Variants in CARF observed in about 807,000 individuals in gnomAD.
The protein encoded by CARF is calcium-responsive transcription factor.
Under a neutral mutation model 82.0 loss-of-function variants are expected in CARF, and 57 were observed. The observed-to-expected ratio is 0.70, with a 90% CI of 0.56 to 0.87. The LOEUF is 0.87. CARF is among the 40% of genes least tolerant of loss of function. CARF has a pLI of 0.00. For missense variants in CARF, 771 were observed against 855.8 expected (o/e 0.90, Z 1.24); for synonymous variants, 268 against 290.1 (o/e 0.92, Z 0.77).
intron 2 of CARF, among the ~76,000 whole-genome samples, chr2:202,923,932 A>C (rs1691322125): frequency 6.6e-6 from 1 of 152,216 alleles, no homozygotes; most frequent in South Asian, 2.1e-4. Flanking sequence ...CATGTAGGAG[A>C]ATGAAACTGG....
In CARF at chr2:202,982,175, T is replaced by C. The variant is rs369165369; in HGVS notation, c.1793T>C (p.Ile598Thr). The C allele has an allele frequency of 3.7e-5, 60 of 1,614,172 alleles. No homozygotes were observed. In the African/African-American group the frequency reaches 7.1e-4, roughly 19 times the overall value. ...AGTCCTTCAGGACTTCTGGATACAA[T>C]AGGAAGTGCTGTAATGAATAATAAT... Reference protein sequence around the residue: ...SSSPSGLLDTIGSAVMNNNSL... With the variant: ...SSSPSGLLDTTGSAVMNNNSL... The change falls in exon 16 of 17, where the codon ATA (isoleucine) becomes ACA (threonine). Residue 598 changes from isoleucine to threonine, a missense_variant. Transcript: ENST00000438828.
At chr2:202,919,410 G>C (rs1218306371) in intron 2 of CARF, among the ~76,000 whole-genome samples, 1 of 152,194 alleles carries the variant, frequency 6.6e-6, no homozygotes, top group Non-Finnish European at 1.5e-5. Flanking sequence ...CAGAGTACCT[G>C]TCAGGAAACT....
At chr2:202,973,956 C>T (rs1358201516) in intron 12 of CARF, among the ~76,000 whole-genome samples, 1 of 151,986 alleles carries the variant, frequency 6.6e-6, no homozygotes, top group African/African-American at 2.4e-5. Context: ...GGCGTGGTGG[C>T]ACACTCCTGT....
chr2:202,960,831 A>G (rs2059288296), intron 8 of CARF, among the ~76,000 whole-genome samples: 1 of 142,612 alleles, frequency 7.0e-6, no homozygotes, highest in African/African-American at 2.6e-5. Flanking sequence ...TTCCAACCTC[A>G]CTCCACCAAA....
rs1481787161 is a variant in CARF, at chr2:202,912,830, T to C, written c.-602T>C. ...TGCTTTTTAGGGTTCTTTTTCCGCT[T>C]TCTGAGCCCTTTTATACCTTACGTT... On this transcript the variant is annotated 5_prime_UTR_variant, in exon 1 of 17. Transcript: ENST00000438828. The C allele has an allele frequency of 2.0e-5, 3 of 152,026 alleles. No homozygotes were observed. Among genetic ancestry groups the C allele is most frequent in the African/African-American group, 7.2e-5 (3 of 41,402 alleles). 9.4% of individuals were successfully genotyped at this position (152,026 alleles called of 1,614,324 possible). A position where few individuals can be genotyped will look rare whatever the true frequency, so the allele number is the denominator to read the frequency against.
chr2:202,913,956 A>T (rs573628399), intron 1 of CARF, among the ~76,000 whole-genome samples: 3 of 152,312 alleles, frequency 2.0e-5, no homozygotes, highest in African/African-American at 7.2e-5. Context: ...ACTAAAATAC[A>T]CTTTTCATTT....
rs920139891 is a variant in CARF at position 202,952,782 on chromosome 2, G to A, written c.427+103G>A. Reference sequence around the variant, plus strand: ...TCAGTGCTAAAGTTGATTTCTTTAGGTAAAAGATTATGAATTAAATAATTA... The same window carrying A: ...TCAGTGCTAAAGTTGATTTCTTTAGATAAAAGATTATGAATTAAATAATTA... On this transcript the variant is annotated intron_variant, in intron 6 of 16. Transcript: ENST00000438828. 6 of 1,160,362 alleles carry A rather than the reference G, an allele frequency of 5.2e-6. No individual in the cohort carries two copies. The Admixed American group carries it at 1.3e-4, about 25-fold the overall frequency. 71.9% of individuals were successfully genotyped at this position (1,160,362 alleles called of 1,614,324 possible). A position where few individuals can be genotyped will look rare whatever the true frequency, so the allele number is the denominator to read the frequency against.
chr2:202,970,861 T>G (rs1050173217), intron 11 of CARF, among the ~76,000 whole-genome samples: 15 of 147,268 alleles, frequency 1.0e-4, no homozygotes, highest in Admixed American at 2.7e-4. Flanking sequence ...CTACTTTTCT[T>G]TTTTTTTTTT....
intron 5 of CARF, among the ~76,000 whole-genome samples, chr2:202,946,167 C>A (rs1344729827): frequency 6.6e-6 from 1 of 151,764 alleles, no homozygotes; most frequent in Non-Finnish European, 1.5e-5. Context: ...TCATATGGAA[C>A]CAAAAAAGAG....
intron 10 of CARF, among the ~76,000 whole-genome samples, chr2:202,969,427 T>C (rs1283565452): frequency 2.0e-5 from 3 of 151,640 alleles, no homozygotes; most frequent in South Asian, 2.1e-4. Flanking sequence ...AATACAAAAT[T>C]AGCCGGGAGT....
rs1022463761 is a variant in CARF at position 202,981,709 on chromosome 2, A to G, written c.1689+24A>G. 17 of 1,597,116 alleles carry G rather than the reference A, an allele frequency of 1.1e-5. 1 individual carries two copies. The highest frequency in any genetic ancestry group is 6.7e-5 in the East Asian group (3 of 44,620). ...AGGTAGGTATCCAGTAAAATATCCA[A>G]ATTTGAGGTCCTTCTCTTTATTCCT... On this transcript the variant is annotated intron_variant, in intron 15 of 16. Transcript: ENST00000438828.
rs765174693 is a variant in CARF at position 202,969,952 on chromosome 2, A to C, written c.987A>C (p.Glu329Asp). 6.5e-7 allele frequency: 1 copy of C among 1,548,368 alleles called. No homozygotes were observed. Among genetic ancestry groups the C allele is most frequent in the South Asian group, 1.3e-5 (1 of 79,816 alleles). ...IYIKKVQKFPEYRVPTDPKID... is the reference protein window; with the variant it reads ...IYIKKVQKFPDYRVPTDPKID... ...TTAAAAAGGTACAGAAGTTTCCTGA[A>C]TATAGAGTTCCTACAGACCCCAAAA... Residue 329 changes from glutamate (E) to aspartate (D), a missense_variant, in exon 11 of 17, where the codon GAA becomes GAC. Physicochemically the swap from Glu to Asp is conservative, Grantham distance 45. Coordinates refer to ENST00000438828, the MANE Select transcript of CARF (RefSeq NM_024744.17).
At chr2:202,925,247 A>G (rs895809842) in intron 3 of CARF, 3 of 368,640 alleles carry the variant, frequency 8.1e-6, no homozygotes, top group Non-Finnish European at 1.6e-5. Context: ...AATGTAGCTT[A>G]CATGAACAAG....
chr2:202,938,463 G>A (rs572694777), intron 3 of CARF: 1 of 151,880 alleles, frequency 6.6e-6, no homozygotes, highest in South Asian at 2.1e-4. Context: ...CAGAGACAGG[G>A]TTTCGCCATG....
chr2:202,971,600 C>A lies in CARF; in HGVS notation c.1193C>A (p.Ser398Tyr). Residue 398 changes from serine (S) to tyrosine (Y), a missense_variant, in exon 12 of 17, where the codon TCT becomes TAT. Ser to Tyr is a moderately radical substitution (Grantham distance 144). Transcript: ENST00000438828. ...TLSPSPFPVS[S>Y]LEEEETAVRD... The stretch of plus-strand genomic sequence containing the variant: ...TCACCTTCTCCTTTTCCTGTGTCTT[C>A]TCTTGAAGAAGAGGAAACTGCAGTT... The A allele has an allele frequency of 6.2e-7, 1 of 1,613,728 alleles. No individual in the cohort carries two copies. The highest frequency in any genetic ancestry group is 8.5e-7 in the Non-Finnish European group (1 of 1,179,794).
intron 3 of CARF, among the ~76,000 whole-genome samples, chr2:202,929,358 A>G (rs774103182): frequency 1.3e-5 from 2 of 152,116 alleles, no homozygotes; most frequent in Non-Finnish European, 2.9e-5. Flanking sequence ...GTTGGTTTTT[A>G]TATATGGTGA....
intron 3 of CARF, among the ~76,000 whole-genome samples, chr2:202,937,930 TAAA>T (rs11346288): frequency 5.6e-5 from 8 of 143,254 alleles, no homozygotes; most frequent in Non-Finnish European, 7.6e-5. Flanking sequence ...CAGCCAACTG[TAAA>T]AAAAAAAAAA....
Position 202,952,692 on chromosome 2 carries a change from G to A in CARF, c.427+13G>A, listed in dbSNP as rs767984894. 17 of 1,593,302 alleles carry A rather than the reference G, an allele frequency of 1.1e-5. No homozygotes were observed. The African/African-American group carries it at 1.5e-4, about 14-fold the overall frequency. On this transcript the variant is annotated intron_variant, in intron 6 of 16. Coordinates refer to ENST00000438828, the MANE Select transcript of CARF (RefSeq NM_024744.17). ...AATAGTCCTCGGGGTGAGTAACAAC[G>A]GGATATAGGGGATTTGAGAGTGTTT...
chr2:202,915,286 A>G (rs1186105203), intron 1 of CARF, among the ~76,000 whole-genome samples: 1 of 151,256 alleles, frequency 6.6e-6, no homozygotes, highest in Non-Finnish European at 1.5e-5. Flanking sequence ...AAGTGCTGGG[A>G]TTACAGGCGT....
Sources: gnomAD v4.1 joint callset for allele counts (sites outside exome capture counted in the v4.1 genomes callset) on GRCh38, gnomAD v4.1.1 for gene constraint, MANE v1.5 for transcripts, NCBI Gene and HGNC (gene_info 2026-07-23, HGNC 2026-07-21) for gene names.